ARMCX4: variants seen among roughly 807,000 people sequenced by gnomAD.
ARMCX4 encodes the protein armadillo repeat-containing X-linked protein 4.
Under a neutral mutation model 34.7 loss-of-function variants are expected in ARMCX4, and 3 were observed. The observed-to-expected ratio is 0.09, with a 90% confidence interval of 0.04 to 0.22. The LOEUF is 0.22. ARMCX4 is among the 10% of genes least tolerant of loss of function. ARMCX4 has a pLI of 1.00. For missense variants in ARMCX4, 1,448 were observed against 1,720.8 expected (o/e 0.84, Z 2.81); for synonymous variants, 513 against 632.8 (o/e 0.81, Z 2.84).
chrX:101,425,672 G>C (rs1198308911), intron 2 of ARMCX4, among the ~76,000 whole-genome samples: 1 of 110,843 alleles, frequency 9.0e-6, no homozygotes, highest in Non-Finnish European at 1.9e-5. Context: ...TGGGATTACA[G>C]GTGTGAGGTA....
At chrX:101,487,086 A>C (rs1933767265) in intron 2 of ARMCX4, 107 bp from the exon 3 acceptor site, 1 of 99,978 alleles carries the variant, frequency 1.0e-5, no homozygotes, top group African/African-American at 3.9e-5. Flanking sequence ...TCTGCCAGCA[A>C]ATGGGTCTCT....
At chrX:101,421,221 A>G (rs1603063052) in intron 2 of ARMCX4, among the ~76,000 whole-genome samples, 1 of 108,935 alleles carries the variant, frequency 9.2e-6, no homozygotes, top group Non-Finnish European at 1.9e-5. Flanking sequence ...AAAAAAAAAA[A>G]AAAGAAAGGA....
intron 11 of ARMCX4, among the ~76,000 whole-genome samples, chrX:101,518,908 G>A (rs1262033900): frequency 9.1e-6 from 1 of 109,930 alleles, no homozygotes; most frequent in Non-Finnish European, 1.9e-5. Flanking sequence ...GATCCGCCAA[G>A]AATATACAAG....
At chrX:101,474,288 A>C (rs1350076013) in intron 4 of ARMCX4, among the ~76,000 whole-genome samples, 219 of 86,830 alleles carry the variant, frequency 2.5e-3, no homozygotes, top group South Asian at 3.5e-3. Context: ...ATAGACCAAT[A>C]ACAGGAGCTG....
chrX:101,466,525 A>G (rs1014118221), intron 4 of ARMCX4, among the ~76,000 whole-genome samples: 2 of 112,525 alleles, frequency 1.8e-5, no homozygotes, highest in Non-Finnish European at 3.8e-5. Context: ...GTACTATACA[A>G]TGGCATACTA....
At chrX:101,465,321 G>C (rs1428399544) in intron 4 of ARMCX4, among the ~76,000 whole-genome samples, 3 of 111,152 alleles carry the variant, frequency 2.7e-5, no homozygotes, top group Non-Finnish European at 5.7e-5. Flanking sequence ...GCCACAGAAG[G>C]CTAAAAGTAA....
At chrX:101,476,707 A>G (rs782099021) in intron 4 of ARMCX4, among the ~76,000 whole-genome samples, 2 of 111,840 alleles carry the variant, frequency 1.8e-5, no homozygotes, top group Non-Finnish European at 3.8e-5. Flanking sequence ...GGTTAGAGTT[A>G]TTAAAGAGGG....
chrX:101,507,569 A>G (rs1556015471), intron 8 of ARMCX4, among the ~76,000 whole-genome samples: 1 of 110,538 alleles, frequency 9.0e-6, no homozygotes, highest in Admixed American at 9.7e-5. Flanking sequence ...GAATTTTCTT[A>G]GTCTCTTTTT....
At chrX:101,464,224 A>G (rs189115232) in intron 4 of ARMCX4, among the ~76,000 whole-genome samples, 28 of 110,059 alleles carry the variant, frequency 2.5e-4, no homozygotes, top group Non-Finnish European at 4.6e-4. Flanking sequence ...AATACAAAAA[A>G]AATTAGCCAG....
chrX:101,441,475 AAGGTCAGTGGTCAGCACT>A (rs1220592433), intron 2 of ARMCX4, among the ~76,000 whole-genome samples: 4 of 110,875 alleles, frequency 3.6e-5, no homozygotes, highest in Non-Finnish European at 7.6e-5. Context: ...GAGCCTGGAG[AAGGTCAGTGGTCAGCACT>A]AGAGGTGTGC....
At chrX:101,455,805 G>A (rs1159680307) in intron 4 of ARMCX4, among the ~76,000 whole-genome samples, 2 of 110,502 alleles carry the variant, frequency 1.8e-5, no homozygotes, top group African/African-American at 3.3e-5. Context: ...TTCAACCCTC[G>A]CCCCCCTCCA....
chrX:101,432,152 T>G (rs1930075816), intron 2 of ARMCX4, among the ~76,000 whole-genome samples: 1 of 112,088 alleles, frequency 8.9e-6, no homozygotes, highest in African/African-American at 3.2e-5. Context: ...GGTTTGCATA[T>G]TCTCCCTTTT....
chrX:101,432,429 G>A (rs1165532414), intron 2 of ARMCX4, among the ~76,000 whole-genome samples: 1 of 111,468 alleles, frequency 9.0e-6, no homozygotes, highest in African/African-American at 3.3e-5. Flanking sequence ...TTGGGAGGCT[G>A]AGGCAGTAGG....
intron 11 of ARMCX4, among the ~76,000 whole-genome samples, chrX:101,514,400 G>A (rs1556017129): frequency 1.8e-5 from 2 of 111,591 alleles, no homozygotes; most frequent in Non-Finnish European, 3.8e-5. Flanking sequence ...AGAGTTGCCT[G>A]TAAGAAATTG....
intron 11 of ARMCX4, among the ~76,000 whole-genome samples, chrX:101,525,119 C>T (rs181339727): frequency 8.9e-6 from 1 of 111,813 alleles, no homozygotes; most frequent in Admixed American, 9.5e-5. Flanking sequence ...CAGGCAACAA[C>T]ATTTGCTGTT....
At chrX:101,443,130 C>CAAAA (rs141804967) in intron 2 of ARMCX4, among the ~76,000 whole-genome samples, 2 of 49,710 alleles carry the variant, frequency 4.0e-5, no homozygotes, top group African/African-American at 1.8e-4. Flanking sequence ...GACTCCGTCT[C>CAAAA]AAAAAAAAAA....
chrX:101,440,417 C>T (rs781898681), intron 2 of ARMCX4, among the ~76,000 whole-genome samples: 60 of 112,154 alleles, frequency 5.3e-4, no homozygotes, highest in African/African-American at 1.7e-3. Flanking sequence ...TTAGGCTACT[C>T]GGGGACCAGG....
chrX:101,425,694 C>T (rs185244446), intron 2 of ARMCX4, among the ~76,000 whole-genome samples: 171 of 110,876 alleles, frequency 1.5e-3, no homozygotes, highest in African/African-American at 5.3e-3. Flanking sequence ...TGCGCCCAGC[C>T]GGTAGGCAAG....
At chrX:101,459,548 G>A (rs781844003) in intron 4 of ARMCX4, among the ~76,000 whole-genome samples, 3 of 112,280 alleles carry the variant, frequency 2.7e-5, no homozygotes, top group African/African-American at 9.7e-5. Flanking sequence ...AGCAGGGTAG[G>A]CCAGGACTAA....
Sources: allele counts gnomAD v4.1 joint callset (sites outside exome capture counted in the v4.1 genomes callset), GRCh38; gene constraint gnomAD v4.1.1; transcripts MANE v1.5; gene names NCBI Gene and HGNC (gene_info 2026-07-23, HGNC 2026-07-21).